The following OPA3 variants were observed in gnomAD, a reference collection of about 807,000 sequenced individuals.
The protein encoded by OPA3 is outer mitochondrial membrane lipid metabolism regulator OPA3.
In OPA3, 6 loss-of-function variants were observed where a neutral mutation model predicts 4.0. The observed-to-expected ratio is 1.51, with a 90% CI of 0.83 to 2.99. The LOEUF (loss-of-function observed/expected upper bound fraction) is 2.99. Among genes scored for constraint, OPA3 ranks in the 30% most tolerant of loss-of-function variants. The pLI is 0.00. For missense variants in OPA3, 235 were observed against 256.2 expected (o/e 0.92, Z 0.56); for synonymous variants, 105 against 117.1 (o/e 0.90, Z 0.67).
At position 45,548,213 on chromosome 19, in the gene OPA3, C is replaced by T. The variant is rs1157948475; in HGVS notation, c.*5301G>A. On this transcript the variant is annotated 3_prime_UTR_variant, in exon 2 of 2. Coordinates refer to ENST00000263275, the MANE Select transcript of OPA3 (RefSeq NM_025136.4). ...GACCCAAGCCTGCCACTCAGCAACA[C>T]AGCGACCAGCCCAGGAGTAGCTCCG... 2.0e-6 allele frequency: 2 copies of T among 985,914 alleles called. No homozygotes were observed. The highest frequency in any genetic ancestry group is 2.4e-6 in the Non-Finnish European group (2 of 830,310). The allele number at this position is 985,914 out of a possible 1,614,324, so 61.1% of individuals were successfully genotyped here.
chr19:45,540,675 C>T (rs1006353191), intron 1 of OPA3, among the ~76,000 whole-genome samples: 3 of 151,096 alleles, frequency 2.0e-5, no homozygotes, highest in African/African-American at 4.9e-5. Flanking sequence ...TGGTGACAGG[C>T]GCCTGCAATC....
chr19:45,534,161 G>C (rs576985026), intron 1 of OPA3, among the ~76,000 whole-genome samples: 2 of 152,194 alleles, frequency 1.3e-5, no homozygotes, highest in African/African-American at 4.8e-5. Flanking sequence ...GACTAAAGGA[G>C]AGCCTCCTGA....
chr19:45,568,975 C>A (rs1395391033), intron 1 of OPA3, among the ~76,000 whole-genome samples: 1 of 152,112 alleles, frequency 6.6e-6, no homozygotes, highest in African/African-American at 2.4e-5. Context: ...TAGAACAGTT[C>A]CTGGCACACA....
chr19:45,565,730 C>G (rs561450241), intron 1 of OPA3, among the ~76,000 whole-genome samples: 2 of 152,196 alleles, frequency 1.3e-5, no homozygotes, highest in East Asian at 3.9e-4. Context: ...AAGTGATCCA[C>G]CTGCCTCAGC....
intron 1 of OPA3, among the ~76,000 whole-genome samples, chr19:45,537,411 A>AAAAAAAAACAAG (rs1568396406): frequency 1.2e-4 from 11 of 94,900 alleles, no homozygotes; most frequent in African/African-American, 5.1e-4. Flanking sequence ...AAAAAAAAAA[A>AAAAAAAAACAAG]AAAAAAAAAA....
Position 45,546,404 on chromosome 19 carries a change from ATT to A in OPA3, c.*7108_*7109del. On this transcript the variant is annotated 3_prime_UTR_variant, in exon 2 of 2. Transcript: ENST00000263275. ...ATATATATTTTATATTCCATTATATATTGTGTCACATAATATATGAATTATAC... is the reference window on the plus strand; with the variant it reads ...ATATATATTTTATATTCCATTATATAGTGTCACATAATATATGAATTATAC... 1.7e-6 allele frequency: 1 copy of A among 590,348 alleles called. No homozygotes were observed. 36.6% of individuals were successfully genotyped at this position (590,348 alleles called of 1,614,324 possible).
chr19:45,539,957 A>G (rs1376637692), intron 1 of OPA3, among the ~76,000 whole-genome samples: 3 of 152,166 alleles, frequency 2.0e-5, no homozygotes, highest in Admixed American at 2.0e-4. Context: ...ATGTTCTGAA[A>G]TTGGAATGTG....
intron 1 of OPA3, among the ~76,000 whole-genome samples, chr19:45,572,271 T>C (rs1969679007): frequency 7.6e-6 from 1 of 132,136 alleles, no homozygotes; most frequent in African/African-American, 2.6e-5. Context: ...AATAAAAATA[T>C]ATATAGTATA....
chr19:45,537,409 A>AC (rs1246585990), intron 1 of OPA3, among the ~76,000 whole-genome samples: 2 of 145,980 alleles, frequency 1.4e-5, no homozygotes, highest in South Asian at 2.3e-4. Flanking sequence ...AAAAAAAAAA[A>AC]AAAAAAAAAA....
chr19:45,562,343 C>CAA (rs1218744939), intron 1 of OPA3, among the ~76,000 whole-genome samples: 5 of 69,338 alleles, frequency 7.2e-5, no homozygotes, highest in South Asian at 5.4e-4. Context: ...GACTCCATCT[C>CAA]AAAAAAAAAA....
chr19:45,554,012 G>T, intron 1 of OPA3, 101 bp from the exon 2 acceptor site: 1 of 944,942 alleles, frequency 1.1e-6, no homozygotes, highest in African/African-American at 1.7e-5. Flanking sequence ...GTAACCCAGG[G>T]GTCTTTTAAA....
At chr19:45,570,631 G>A (rs987163309) in intron 1 of OPA3, among the ~76,000 whole-genome samples, 2 of 152,102 alleles carry the variant, frequency 1.3e-5, no homozygotes, top group Non-Finnish European at 2.9e-5. Context: ...AGGCTGCAGC[G>A]AGCTGAGATT....
chr19:45,548,530 G>T lies in OPA3; in HGVS notation c.*4984C>A, dbSNP rs1472723118. 4.1e-6 allele frequency: 4 copies of T among 985,328 alleles called. No individual in the cohort carries two copies. The African/African-American group carries it at 5.2e-5, about 13-fold the overall frequency. 61.0% of individuals were successfully genotyped at this position (985,328 alleles called of 1,614,324 possible). On this transcript the variant is annotated 3_prime_UTR_variant, in exon 2 of 2. Transcript: ENST00000263275. ...GGGTGGGGCAGGGAACACTGGAAAA[G>T]AAATGTACGTGTGAGCATCTGTAAG... is the stretch of plus-strand genomic sequence containing the variant.
intron 1 of OPA3, among the ~76,000 whole-genome samples, chr19:45,538,600 G>C (rs541152195): frequency 6.6e-6 from 1 of 152,094 alleles, no homozygotes; most frequent in African/African-American, 2.4e-5. Context: ...GCGTGTGCCT[G>C]TAATTCCAGT....
At position 45,571,600 on chromosome 19, in the gene OPA3, C is replaced by G. The variant is rs1171840798; in HGVS notation, c.142+13023G>C. On this transcript the variant is annotated intron_variant, in intron 1 of 1. Coordinates refer to ENST00000263275, the MANE Select transcript of OPA3 (RefSeq NM_025136.4). ...CTGCCATATAATATAACTGATGTGA[C>G]GCTCTGGTGATTATAAATAAACTCC... Among the ~76,000 whole-genome samples, 3 of 152,242 alleles carry G rather than the reference C, an allele frequency of 2.0e-5. No homozygotes were observed. In the South Asian group the frequency reaches 6.2e-4, roughly 32 times the overall value.
At position 45,553,741 on chromosome 19, in the gene OPA3, G is replaced by A. The variant is rs80356525; in HGVS notation, c.313C>T (p.Gln105Ter). Residue 105 changes from glutamine to a stop codon, truncating the protein, a stop_gained, in exon 2 of 2, where the codon CAG (glutamine) becomes TAG (stop). Coordinates refer to ENST00000263275, the MANE Select transcript of OPA3 (RefSeq NM_025136.4). LOFTEE classifies it low-confidence loss of function (END_TRUNC). ...GCLVLEYWRH[Q>*]AQQRHKEEEQ... ...TCCTCCTTGTGGCGCTGCTGCGCCTGGTGGCGCCAGTACTCCAGCACTAGG... is the reference window on the plus strand; with the variant it reads ...TCCTCCTTGTGGCGCTGCTGCGCCTAGTGGCGCCAGTACTCCAGCACTAGG... 2.5e-6 allele frequency: 4 copies of A among 1,611,440 alleles called. No individual in the cohort carries two copies. The highest frequency in any genetic ancestry group is 1.3e-5 in the African/African-American group (1 of 74,920).
intron 1 of OPA3, among the ~76,000 whole-genome samples, chr19:45,575,508 A>C (rs1969752932): frequency 6.6e-6 from 1 of 152,198 alleles, no homozygotes; most frequent in Non-Finnish European, 1.5e-5. Flanking sequence ...AGCACTTCTG[A>C]AAAAATGACC....
chr19:45,572,488 C>T (rs1431249593), intron 1 of OPA3, among the ~76,000 whole-genome samples: 5 of 114,090 alleles, frequency 4.4e-5, no homozygotes, highest in East Asian at 2.4e-4. Context: ...TCATATATAT[C>T]GAGATATATG....
exon 2 of OPA3, chr19:45,529,065 G>C (rs1162879805): frequency 6.3e-7 from 1 of 1,599,324 alleles, no homozygotes. Context: ...CCTATTTCTC[G>C]GACGCCGGCG....
Sources: allele counts gnomAD v4.1 joint callset (sites outside exome capture counted in the v4.1 genomes callset), GRCh38; gene constraint gnomAD v4.1.1; transcripts MANE v1.5; gene names NCBI Gene and HGNC (gene_info 2026-07-23, HGNC 2026-07-21).